MAGI3: variants seen among roughly 807,000 people sequenced by gnomAD.
MAGI3 encodes membrane associated guanylate kinase, WW and PDZ domain containing 3.
Under a neutral mutation model 121.8 loss-of-function variants are expected in MAGI3, and 43 were observed. That is an observed-to-expected ratio of 0.35 (90% CI 0.28 to 0.46). The LOEUF (loss-of-function observed/expected upper bound fraction) is 0.46. MAGI3 is among the 20% of genes least tolerant of loss of function. MAGI3 has a pLI of 1.00. For missense variants in MAGI3, 1,547 were observed against 1,797.3 expected (o/e 0.86, Z 2.52); for synonymous variants, 553 against 639.3 (o/e 0.86, Z 2.04).
intron 1 of MAGI3, among the ~76,000 whole-genome samples, chr1:113,449,503 G>T (rs546142388): frequency 3.3e-5 from 5 of 152,132 alleles, no homozygotes; most frequent in South Asian, 2.1e-4. Context: ...ACATTTGGGG[G>T]TTAAAATTTC....
intron 1 of MAGI3, among the ~76,000 whole-genome samples, chr1:113,400,887 G>A (rs1651363106): frequency 6.6e-6 from 1 of 152,092 alleles, no homozygotes; most frequent in Admixed American, 6.6e-5. Context: ...TGACACTTCA[G>A]CCTCCCTTGG....
intron 9 of MAGI3, among the ~76,000 whole-genome samples, chr1:113,640,441 T>C (rs1406081831): frequency 6.6e-6 from 1 of 152,224 alleles, no homozygotes; most frequent in Non-Finnish European, 1.5e-5. Context: ...GTATGTTTAT[T>C]GCAGCACTAT....
chr1:113,644,276 T>A (rs900694907), intron 11 of MAGI3, among the ~76,000 whole-genome samples: 12 of 151,998 alleles, frequency 7.9e-5, no homozygotes, highest in East Asian at 1.9e-4. Flanking sequence ...ATTATTTATT[T>A]TTTATTTATT....
At chr1:113,670,079 G>C (rs1345447842) in intron 16 of MAGI3, among the ~76,000 whole-genome samples, 1 of 144,864 alleles carries the variant, frequency 6.9e-6, no homozygotes, top group Non-Finnish European at 1.5e-5. Flanking sequence ...TGACCTTAAA[G>C]AGGAAACACA....
At chr1:113,638,061 G>A (rs905100364) in intron 9 of MAGI3, among the ~76,000 whole-genome samples, 4 of 152,178 alleles carry the variant, frequency 2.6e-5, no homozygotes, top group African/African-American at 9.7e-5. Flanking sequence ...TAGTTCTCGA[G>A]CCTTGGCTTT....
intron 2 of MAGI3, among the ~76,000 whole-genome samples, chr1:113,578,959 TG>T (rs1278475813): frequency 1.6e-5 from 1 of 61,144 alleles, no homozygotes; most frequent in East Asian, 2.2e-4. Flanking sequence ...TCATAATCTT[TG>T]TTTTTTTTTG....
At chr1:113,654,717 T>A (rs1288943273) in intron 15 of MAGI3, among the ~76,000 whole-genome samples, 2 of 152,072 alleles carry the variant, frequency 1.3e-5, no homozygotes, top group Non-Finnish European at 2.9e-5. Context: ...ATGAAATATT[T>A]GTCTTGATAT....
At chr1:113,540,310 A>G (rs10858002) in intron 1 of MAGI3, among the ~76,000 whole-genome samples, 44,587 of 152,140 alleles carry the variant, frequency 0.29, 7,375 homozygotes, top group East Asian at 0.65. Flanking sequence ...ACAAAACATA[A>G]TTTCTGACTT....
chr1:113,580,800 A>T, intron 3 of MAGI3, 139 bp downstream of exon 3: 1 of 641,504 alleles, frequency 1.6e-6, no homozygotes, highest in Non-Finnish European at 2.4e-6. Flanking sequence ...TTTTCTTTTG[A>T]TGGGGAGATT....
At chr1:113,546,372 T>C (rs1362096812) in intron 1 of MAGI3, among the ~76,000 whole-genome samples, 52 of 152,208 alleles carry the variant, frequency 3.4e-4, no homozygotes, top group Non-Finnish European at 2.9e-5. Flanking sequence ...AGTCCCACTC[T>C]GTTGCCCAGG....
chr1:113,667,571 C>G (rs1647243615), intron 16 of MAGI3, among the ~76,000 whole-genome samples: 1 of 152,198 alleles, frequency 6.6e-6, no homozygotes, highest in African/African-American at 2.4e-5. Context: ...TTCTCCATAT[C>G]CAGCAATAAG....
rs1648198446 is a variant in MAGI3, at chr1:113,681,256, G to A, written c.3248G>A (p.Arg1083Gln). ...GEPTQGITHT[R>Q]AIELIQAGGN... ...CCTACACAAGGAATCACACATACTC[G>A]AGCAATTGAGCTCATTCAGGCTGGT... Residue 1083 changes from arginine (R) to glutamine (Q), a missense_variant, in exon 20 of 21, where the codon CGA becomes CAA. By Grantham distance (43) the Arg-to-Gln change is conservative (BLOSUM62 1). Transcript: ENST00000307546. 4 of 1,614,074 alleles carry A rather than the reference G, an allele frequency of 2.5e-6. No individual in the cohort carries two copies. The highest frequency in any genetic ancestry group is 3.4e-6 in the Non-Finnish European group (4 of 1,179,990).
At chr1:113,437,886 C>CTT (rs1214332097) in intron 1 of MAGI3, among the ~76,000 whole-genome samples, 177 of 11,076 alleles carry the variant, frequency 0.016, 3 homozygotes, top group Middle Eastern at 0.05. Flanking sequence ...TTCTCCTTCT[C>CTT]CTTCTCCTTC....
chr1:113,516,919 A>T (rs987595762), intron 1 of MAGI3, among the ~76,000 whole-genome samples: 4 of 152,040 alleles, frequency 2.6e-5, no homozygotes, highest in Admixed American at 2.0e-4. Flanking sequence ...AAAAACACAT[A>T]ACCCCAGTCT....
chr1:113,629,729 CCTCT>C (rs374062732), intron 9 of MAGI3, among the ~76,000 whole-genome samples: 1,994 of 111,950 alleles, frequency 0.018, 50 homozygotes, highest in African/African-American at 0.05. Flanking sequence ...AGTCAGTCTC[CCTCT>C]CTCTCTCTCT....
intron 16 of MAGI3, among the ~76,000 whole-genome samples, chr1:113,662,340 C>G (rs1653825999): frequency 6.6e-6 from 1 of 152,180 alleles, no homozygotes; most frequent in Non-Finnish European, 1.5e-5. Context: ...ATATGGCATT[C>G]CCCACAACAC....
chr1:113,542,613 T>TA (rs1659343001), intron 1 of MAGI3, among the ~76,000 whole-genome samples: 2 of 152,200 alleles, frequency 1.3e-5, no homozygotes, highest in Non-Finnish European at 2.9e-5. Context: ...TAGCCCTAAG[T>TA]ACCTACTCCT....
At chr1:113,533,199 G>C (rs183275390) in intron 1 of MAGI3, among the ~76,000 whole-genome samples, 73 of 152,028 alleles carry the variant, frequency 4.8e-4, no homozygotes, top group African/African-American at 1.8e-3. Flanking sequence ...GTGTCTCTCT[G>C]AAGAAAAAAA....
intron 6 of MAGI3, among the ~76,000 whole-genome samples, chr1:113,605,911 AC>A (rs1649740128): frequency 6.6e-6 from 1 of 150,732 alleles, no homozygotes; most frequent in Non-Finnish European, 1.5e-5. Context: ...TTTTTTTTTT[AC>A]CATTAAAAGG....
Sources: gnomAD v4.1 joint callset for allele counts (sites outside exome capture counted in the v4.1 genomes callset) on GRCh38, gnomAD v4.1.1 for gene constraint, MANE v1.5 for transcripts, NCBI Gene and HGNC (gene_info 2026-07-23, HGNC 2026-07-21) for gene names.